Variants in APEH observed in about 807,000 individuals in gnomAD.
APEH encodes the protein acylamino-acid-releasing enzyme.
APEH carries 75 observed loss-of-function variants against 102.7 expected under a neutral mutation model. The ratio of observed to expected loss-of-function variants is 0.73; its 90% CI spans 0.61 to 0.89. The LOEUF (loss-of-function observed/expected upper bound fraction) is 0.89, where lower values mean the gene tolerates loss of function less well. APEH is among the 40% of genes least tolerant of loss of function. The pLI is 0.00. For synonymous variants in APEH, 344 were observed against 362.7 expected, an observed-to-expected ratio of 0.95 and a Z score of 0.59; for missense variants, 863 against 941.2, an observed-to-expected ratio of 0.92 and a Z score of 1.09.
At position 49,682,626 on chromosome 3, in the gene APEH, C is replaced by G; in HGVS notation, c.1773C>G (p.Phe591Leu). The G allele has an allele frequency of 1.2e-6, 2 of 1,614,098 alleles. No individual in the cohort carries two copies. Among genetic ancestry groups the G allele is most frequent in the Non-Finnish European group, 1.7e-6 (2 of 1,180,024 alleles). The part of the protein sequence containing the change: ...VALMGGSHGG[F>L]ISCHLIGQYP... Reference sequence around the variant, plus strand: ...TTATGGGTGGTTCCCATGGTGGCTTCATTTCCTGCCACTTGATTGGTCAGT... The same window carrying G: ...TTATGGGTGGTTCCCATGGTGGCTTGATTTCCTGCCACTTGATTGGTCAGT... The change falls in exon 19 of 22, where the codon TTC (phenylalanine) becomes TTG (leucine). Residue 591 changes from phenylalanine (F) to leucine (L), a missense_variant. By Grantham distance (22) the Phe-to-Leu change is conservative. Transcript: ENST00000296456.
intron 2 of APEH, 141 bp from the exon 3 acceptor site, chr3:49,675,042 C>T: frequency 2.5e-6 from 3 of 1,215,144 alleles, no homozygotes; most frequent in South Asian, 2.9e-5. Flanking sequence ...GTTGTCCAGC[C>T]TGCAGCCAGG....
intron 11 of APEH, 41 bp downstream of exon 11, chr3:49,677,674 G>A (rs372564639): frequency 1.3e-6 from 2 of 1,558,630 alleles, no homozygotes; most frequent in Non-Finnish European, 1.8e-6. Context: ...GGGGCCTGTA[G>A]CTCTGCTTTC....
Position 49,681,923 on chromosome 3 carries a change from T to C in APEH, c.1559T>C (p.Leu520Pro). The C allele has an allele frequency of 2.5e-6, 4 of 1,614,230 alleles. No individual in the cohort carries two copies. The highest frequency in any genetic ancestry group is 3.4e-6 in the Non-Finnish European group (4 of 1,180,038). Residue 520 changes from leucine to proline, a missense_variant, in exon 17 of 22, where the codon CTG becomes CCG. Leu to Pro is a moderately conservative substitution (Grantham distance 98, BLOSUM62 -3). Coordinates refer to ENST00000296456, the MANE Select transcript of APEH (RefSeq NM_001640.4). ...PHSSFVTAWM[L>P]FPAMLCKMGF... ...TCATCCTTTGTCACTGCCTGGATGC[T>C]GTTCCCAGCCATGCTTTGCAAGATG...
rs1383548015 is a variant in APEH, at chr3:49,676,455, T to C, written c.684T>C (p.Asp228=). ...SKSIPVLCVL[D]VESGNISVLE... is the part of the protein sequence containing the mutation. The stretch of plus-strand genomic sequence containing the variant: ...GCATCCCTGTGCTCTGCGTGCTGGA[T>C]GTCGAGAGTGGCAACATCTCTGTGC... The change falls in exon 7 of 22, where the codon GAT becomes GAC. Residue 228 remains aspartate, a synonymous_variant. Coordinates refer to ENST00000296456, the MANE Select transcript of APEH (RefSeq NM_001640.4). 6.2e-7 allele frequency: 1 copy of C among 1,614,224 alleles called. No homozygotes were observed. Among genetic ancestry groups the C allele is most frequent in the Admixed American group, 1.7e-5 (1 of 60,026 alleles).
intron 17 of APEH, 100 bp downstream of exon 17, chr3:49,682,067 G>A: frequency 7.4e-7 from 1 of 1,345,600 alleles, no homozygotes; most frequent in Non-Finnish European, 1.1e-6. Context: ...TAGTCTCCAG[G>A]ACTTTCTCTA....
At chr3:49,678,097 C>T (rs1041478090) in intron 11 of APEH, among the ~76,000 whole-genome samples, 2 of 152,168 alleles carry the variant, frequency 1.3e-5, no homozygotes, top group African/African-American at 4.8e-5. Flanking sequence ...GCCCTGAAGT[C>T]AGCTGGGTCT....
chr3:49,681,524 G>A (rs1200208741), intron 15 of APEH, among the ~76,000 whole-genome samples, 198 bp from the exon 16 acceptor site: 2 of 152,308 alleles, frequency 1.3e-5, no homozygotes, highest in East Asian at 1.9e-4. Flanking sequence ...ACCTCATCCC[G>A]AATGCTGTTG....
In APEH at chr3:49,676,399, G is replaced by A. The variant is rs1422250394; in HGVS notation, c.628G>A (p.Glu210Lys). 11 of 1,614,228 alleles carry A rather than the reference G, an allele frequency of 6.8e-6. No homozygotes were observed. The highest frequency in any genetic ancestry group is 9.3e-6 in the Non-Finnish European group (11 of 1,180,026). The change falls in exon 7 of 22, where the codon GAA becomes AAA. Residue 210 changes from glutamate to lysine, a missense_variant. Transcript: ENST00000296456. The part of the protein sequence containing the change: ...AIKGDQFVFY[E>K]DWGENMVSKS... The stretch of plus-strand genomic sequence containing the variant: ...TCAGGGGGATCAGTTTGTGTTTTAT[G>A]AAGACTGGGGAGAAAACATGGTTTC...
intron 4 of APEH, 27 bp from the exon 5 acceptor site, chr3:49,675,864 A>G (rs759263752): frequency 2.0e-5 from 33 of 1,613,898 alleles, no homozygotes; most frequent in Non-Finnish European, 2.8e-5. Flanking sequence ...TTAGCGGGCA[A>G]ACAGCCTAAT....
At chr3:49,678,178 C>T (rs1486503052) in intron 11 of APEH, among the ~76,000 whole-genome samples, 1 of 152,160 alleles carries the variant, frequency 6.6e-6, no homozygotes, top group Non-Finnish European at 1.5e-5. Flanking sequence ...TCCTCCTGGA[C>T]CATCTCAAGG....
intron 3 of APEH, 103 bp downstream of exon 3, chr3:49,675,412 G>A (rs1559629260): frequency 6.7e-7 from 1 of 1,501,870 alleles, no homozygotes; most frequent in African/African-American, 1.4e-5. Context: ...CAGCAGCCAG[G>A]TTCTTGCCCC....
At chr3:49,674,190 A>C, upstream of APEH, 1 of 627,642 alleles carries the variant, frequency 1.6e-6, no homozygotes, top group South Asian at 2.0e-5. Context: ...GCTCTCACCC[A>C]CCCAGGACTT....
rs2053230618 is a variant in APEH at position 49,679,679 on chromosome 3, G to A, written c.1210+35G>A. The A allele has an allele frequency of 1.9e-6, 3 of 1,606,032 alleles. No individual in the cohort carries two copies. Among genetic ancestry groups the A allele is most frequent in the Non-Finnish European group, 1.7e-6 (2 of 1,173,396 alleles). ...GCTTTGGGGATGGGGGTAAGGGCAG[G>A]GCTGGTGAGCAAGCCAACCAGGCAG... On this transcript the variant is annotated intron_variant, in intron 13 of 21. Transcript: ENST00000296456. This position sits in a 1 kb window ranked among gnomAD's most constrained non-coding sequence, Gnocchi z 4.3.
At position 49,683,868 on chromosome 3, in the gene APEH, T is replaced by C. The variant is rs1173503065; in HGVS notation, c.*526T>C. 9.5e-7 allele frequency: 1 copy of C among 1,050,088 alleles called. No homozygotes were observed. The highest frequency in any genetic ancestry group is 1.4e-6 in the Non-Finnish European group (1 of 732,304). The allele number at this position is 1,050,088 out of a possible 1,614,324, so 65.0% of individuals were successfully genotyped here. ...GCTGGACAGATCACCTAGCCCAGGG[T>C]GTGCTGGGCTCAAGCCACCCGAGCC... On this transcript the variant is annotated 3_prime_UTR_variant, in exon 22 of 22. Transcript: ENST00000296456.
chr3:49,674,251 G>T (rs1033271067), upstream of APEH: 1 of 1,014,186 alleles, frequency 9.9e-7, no homozygotes, highest in East Asian at 2.8e-5. Flanking sequence ...CCCTGCCAAC[G>T]GTCCTCACCC....
Position 49,683,908 on chromosome 3 carries a change from C to A in APEH, c.*566C>A. ...CCACCCGAGCCCTAGCAAGGAGTCA[C>A]TGACACATTTCCTGGAAGCAAAGGC... On this transcript the variant is annotated 3_prime_UTR_variant, in exon 22 of 22. Transcript: ENST00000296456. 6.8e-7 allele frequency: 1 copy of A among 1,469,826 alleles called. No homozygotes were observed. 91.0% of individuals were successfully genotyped at this position (1,469,826 alleles called of 1,614,324 possible).
chr3:49,682,653 C>T lies in APEH; in HGVS notation c.1800C>T (p.Tyr600=), dbSNP rs767220814. Residue 600 remains tyrosine (Y), a synonymous_variant, in exon 19 of 22, where the codon TAC becomes TAT. Coordinates refer to ENST00000296456, the MANE Select transcript of APEH (RefSeq NM_001640.4). ...TTTCCTGCCACTTGATTGGTCAGTA[C>T]CCAGAGACCTACAGGGCCTGCGTGG... is the stretch of plus-strand genomic sequence containing the variant. ...GFISCHLIGQ[Y]PETYRACVAR... 1.9e-6 allele frequency: 3 copies of T among 1,614,068 alleles called. No individual in the cohort carries two copies. Among genetic ancestry groups the T allele is most frequent in the South Asian group, 1.1e-5 (1 of 91,090 alleles).
chr3:49,681,262 G>A (rs779230621), intron 15 of APEH, 23 bp downstream of exon 15: 2 of 1,524,730 alleles, frequency 1.3e-6, no homozygotes, highest in East Asian at 2.4e-5. Context: ...AGGGGCAGAG[G>A]GATGCCTTCT....
rs1323966552 is a variant in APEH, at chr3:49,678,840, C to CT, written c.1061-11dup. 6.2e-7 allele frequency: 1 copy of CT among 1,606,206 alleles called. No homozygotes were observed. Among genetic ancestry groups the CT allele is most frequent in the Non-Finnish European group, 8.5e-7 (1 of 1,173,180 alleles). On this transcript the variant is annotated splice_polypyrimidine_tract_variant and intron_variant, in intron 11 of 21. Coordinates refer to ENST00000296456, the MANE Select transcript of APEH (RefSeq NM_001640.4). ...ACTCCTGGATGCAGCCTCAGCCCTC[C>CT]TATCTTTACAGAGAACTTCTCTGGG... is the stretch of plus-strand genomic sequence containing the variant.
Sources: gnomAD v4.1 joint callset for allele counts (sites outside exome capture counted in the v4.1 genomes callset) on GRCh38, gnomAD v4.1.1 for gene constraint, Gnocchi (gnomAD v3.1) non-coding constraint, MANE v1.5 for transcripts, NCBI Gene and HGNC (gene_info 2026-07-23, HGNC 2026-07-21) for gene names.